The following AFAP1L2 variants were observed in gnomAD, a reference collection of about 807,000 sequenced individuals.
AFAP1L2 encodes the protein actin filament-associated protein 1-like 2.
Under a neutral mutation model 99.3 loss-of-function variants are expected in AFAP1L2, and 46 were observed. The ratio of observed to expected loss-of-function variants is 0.46; its 90% CI spans 0.37 to 0.59. The LOEUF is 0.59. Ranked by LOEUF, AFAP1L2 falls within the 20% of genes least tolerant of loss-of-function variation. AFAP1L2 has a pLI of 0.00. For missense variants in AFAP1L2, 959 were observed against 1,034.9 expected, an observed-to-expected ratio of 0.93 and a Z score of 1.01; for synonymous variants, 397 against 419.1, an observed-to-expected ratio of 0.95 and a Z score of 0.64.
At position 114,355,256 on chromosome 10, in the gene AFAP1L2, C is replaced by CTTTTTTTTTT. The variant is rs35562783; in HGVS notation, c.17-14535_17-14526dup. On this transcript the variant is annotated intron_variant, in intron 1 of 18. Transcript: ENST00000304129. The stretch of plus-strand genomic sequence containing the variant: ...AGAAGCCTTTCTCTTCTCGCTCTCT[C>CTTTTTTTTTT]TTTTTTTTTTTTTTTTGAGACGGAG... Among the ~76,000 whole-genome samples the CTTTTTTTTTT allele has an allele frequency of 6.0e-5, 8 of 133,108 alleles. 1 individual carries two copies. Among genetic ancestry groups the CTTTTTTTTTT allele is most frequent in the African/African-American group, 2.2e-4 (8 of 35,910 alleles). 87.3% of individuals were successfully genotyped at this position (133,108 alleles called of 152,430 possible). A position where few individuals can be genotyped will look rare whatever the true frequency, so the allele number is the denominator to read the frequency against.
rs774775419 is a variant in AFAP1L2, at chr10:114,302,508, T to TAAGC, written c.1285-28_1285-25dup. ...GCCTGGAACGAGGCCAAGAGAGACATAAGCAGGGCCAGGCAGTGCTGCCTG... is the reference window on the plus strand; with the variant it reads ...GCCTGGAACGAGGCCAAGAGAGACATAAGCAAGCAGGGCCAGGCAGTGCTGCCTG... On this transcript the variant is annotated intron_variant, in intron 11 of 18. Transcript: ENST00000304129. 9.9e-6 allele frequency: 16 copies of TAAGC among 1,613,250 alleles called. No homozygotes were observed. The Admixed American group carries it at 2.3e-4, about 24-fold the overall frequency.
chr10:114,326,726 C>T (rs755270028), intron 4 of AFAP1L2, among the ~76,000 whole-genome samples: 30 of 152,046 alleles, frequency 2.0e-4, no homozygotes, highest in Non-Finnish European at 3.7e-4. Flanking sequence ...TATGTGACTC[C>T]GACCAATTCA....
intron 5 of AFAP1L2, among the ~76,000 whole-genome samples, chr10:114,321,332 C>T (rs2045273689): frequency 6.6e-6 from 1 of 152,104 alleles, no homozygotes; most frequent in South Asian, 2.1e-4. Context: ...GCTTAGCTCC[C>T]ACTTATAAGT....
At chr10:114,311,280 T>C (rs1415032288) in intron 7 of AFAP1L2, among the ~76,000 whole-genome samples, 1 of 152,130 alleles carries the variant, frequency 6.6e-6, no homozygotes, top group Non-Finnish European at 1.5e-5. Flanking sequence ...GGGCACTCCC[T>C]TCTTGCCGGG....
At chr10:114,365,873 G>A (rs2053167190) in intron 1 of AFAP1L2, among the ~76,000 whole-genome samples, 5 of 151,880 alleles carry the variant, frequency 3.3e-5, no homozygotes, top group Admixed American at 3.3e-4. Context: ...ACTACATACA[G>A]CATGGGCCAC....
chr10:114,291,874 C>G, downstream of AFAP1L2, among the ~76,000 whole-genome samples: 1 of 152,174 alleles, frequency 6.6e-6, no homozygotes, highest in East Asian at 1.9e-4. Context: ...AATTAACCAG[C>G]TTGTTTGATG....
intron 4 of AFAP1L2, among the ~76,000 whole-genome samples, chr10:114,330,078 A>G (rs1449363126): frequency 2.6e-5 from 4 of 152,128 alleles, no homozygotes; most frequent in East Asian, 3.9e-4. Context: ...TCAGCCTGAG[A>G]TGAGGAGTCT....
chr10:114,302,987 G>A (rs962353534), intron 11 of AFAP1L2, among the ~76,000 whole-genome samples: 4 of 152,080 alleles, frequency 2.6e-5, no homozygotes, highest in African/African-American at 9.7e-5. Flanking sequence ...CAGTAAAGTC[G>A]GGACATCTTT....
chr10:114,318,746 A>AG (rs1554894484), intron 5 of AFAP1L2, among the ~76,000 whole-genome samples: 2 of 20,830 alleles, frequency 9.6e-5, no homozygotes, highest in Non-Finnish European at 5.0e-4. Context: ...GTCTAAAAAA[A>AG]AGAAAAAAAA....
intron 8 of AFAP1L2, among the ~76,000 whole-genome samples, chr10:114,309,235 T>C (rs995166175): frequency 6.6e-6 from 1 of 152,228 alleles, no homozygotes; most frequent in Admixed American, 6.5e-5. Flanking sequence ...ATGCCGAGTC[T>C]TTGAAGAAAA....
At chr10:114,382,306 A>G (rs2055748764) in intron 1 of AFAP1L2, among the ~76,000 whole-genome samples, 1 of 80,124 alleles carries the variant, frequency 1.2e-5, no homozygotes, top group Admixed American at 1.3e-4. Flanking sequence ...CAGCAGAAGT[A>G]CAAAGAACAC....
chr10:114,315,960 G>C (rs879863999), intron 5 of AFAP1L2, among the ~76,000 whole-genome samples, 195 bp from the exon 6 acceptor site: 3 of 152,162 alleles, frequency 2.0e-5, no homozygotes, highest in African/African-American at 7.2e-5. Flanking sequence ...CCTCAGCAAG[G>C]CTTCTTGGAT....
intron 1 of AFAP1L2, among the ~76,000 whole-genome samples, chr10:114,389,458 T>G (rs1031826844): frequency 1.8e-4 from 27 of 152,196 alleles, no homozygotes. Context: ...GCTCAGAGTC[T>G]AGCGATCTTG....
chr10:114,323,492 A>G (rs1010145151), intron 4 of AFAP1L2, among the ~76,000 whole-genome samples: 4 of 152,176 alleles, frequency 2.6e-5, no homozygotes, highest in Admixed American at 1.3e-4. Context: ...CCTTGCCAAG[A>G]CTCAGCTTTC....
In AFAP1L2 at chr10:114,348,932, T is replaced by TA. The variant is rs944965284; in HGVS notation, c.17-8202dup. 4.9e-4 allele frequency among the ~76,000 whole-genome samples: 74 copies of TA among 152,184 alleles called. 2 individuals are homozygous for TA. Among genetic ancestry groups the TA allele is most frequent in the Non-Finnish European group, 1.8e-4 (12 of 68,038 alleles). On this transcript the variant is annotated intron_variant, in intron 1 of 18. Coordinates refer to ENST00000304129, the MANE Select transcript of AFAP1L2 (RefSeq NM_001001936.3). ...TCTTTTTACCTAATAAAATTATGTG[T>TA]AAAAAAATGCAAACTTTCAAAGTGC...
At chr10:114,335,397 G>A (rs558725323) in intron 2 of AFAP1L2, among the ~76,000 whole-genome samples, 13 of 152,080 alleles carry the variant, frequency 8.5e-5, no homozygotes, top group African/African-American at 2.7e-4. Context: ...CGGATCACGA[G>A]GTCAGGAGAT....
chr10:114,372,957 C>T (rs1443455213), intron 1 of AFAP1L2, among the ~76,000 whole-genome samples: 1 of 152,206 alleles, frequency 6.6e-6, no homozygotes, highest in Non-Finnish European at 1.5e-5. Context: ...GTGCCCCATT[C>T]CTTTTACCAG....
intron 16 of AFAP1L2, among the ~76,000 whole-genome samples, chr10:114,297,649 G>T (rs1027860201): frequency 6.6e-6 from 1 of 152,214 alleles, no homozygotes; most frequent in Non-Finnish European, 1.5e-5. Context: ...TCACTAAGGG[G>T]CATGAGTCTG....
chr10:114,323,850 T>G (rs1244596374), intron 4 of AFAP1L2, among the ~76,000 whole-genome samples: 1 of 152,190 alleles, frequency 6.6e-6, no homozygotes, highest in East Asian at 1.9e-4. Context: ...CCTGGTCAAG[T>G]GCATTGTGAT....
Sources: gnomAD v4.1 joint callset for allele counts (sites outside exome capture counted in the v4.1 genomes callset) on GRCh38, gnomAD v4.1.1 for gene constraint, MANE v1.5 for transcripts, NCBI Gene and HGNC (gene_info 2026-07-23, HGNC 2026-07-21) for gene names.